ADGRB3: variants seen among roughly 807,000 people sequenced by gnomAD.
ADGRB3 encodes adhesion G protein-coupled receptor B3, also known as brain-specific angiogenesis inhibitor 3.
Under a neutral mutation model 193.4 loss-of-function variants are expected in ADGRB3, and 37 were observed. The ratio of observed to expected loss-of-function variants is 0.19; its 90% CI spans 0.15 to 0.25. ADGRB3 has a LOEUF of 0.25. Among genes scored for constraint, ADGRB3 ranks in the 10% least tolerant of loss-of-function variants. The pLI, the probability that ADGRB3 is intolerant of heterozygous loss-of-function variation, is 1.00. For synonymous variants in ADGRB3, 690 were observed against 644.2 expected (o/e 1.07, Z -1.08); for missense variants, 1,637 against 1,852.9 (o/e 0.88, Z 2.14).
intron 3 of ADGRB3, among the ~76,000 whole-genome samples, chr6:68,702,961 G>T (rs1289482486): frequency 6.6e-6 from 1 of 152,072 alleles, no homozygotes; most frequent in East Asian, 1.9e-4. Flanking sequence ...ATTTAAAATA[G>T]ACCTATGTTT....
intron 3 of ADGRB3, among the ~76,000 whole-genome samples, chr6:68,673,684 T>C (rs1005797695): frequency 6.6e-6 from 1 of 152,182 alleles, no homozygotes; most frequent in Non-Finnish European, 1.5e-5. Flanking sequence ...ATTTCAGAGA[T>C]GATAAAACAA....
At chr6:69,366,652 C>T (rs1286052871) in intron 29 of ADGRB3, among the ~76,000 whole-genome samples, 1 of 152,066 alleles carries the variant, frequency 6.6e-6, no homozygotes, top group African/African-American at 2.4e-5. Flanking sequence ...TTCCTTCCTG[C>T]AAATTGTCTT....
At chr6:68,896,156 G>A (rs1463665540) in intron 3 of ADGRB3, among the ~76,000 whole-genome samples, 2 of 152,094 alleles carry the variant, frequency 1.3e-5, no homozygotes, top group Admixed American at 1.3e-4. Context: ...AGTAGTACTT[G>A]AAAGTTAGAC....
intron 3 of ADGRB3, among the ~76,000 whole-genome samples, chr6:68,876,238 T>G (rs1765590484): frequency 6.6e-6 from 1 of 152,072 alleles, no homozygotes. Context: ...AAATGTGAAC[T>G]GCTGCCTTGT....
At chr6:69,064,193 G>T (rs1771832028) in intron 16 of ADGRB3, among the ~76,000 whole-genome samples, 1 of 151,828 alleles carries the variant, frequency 6.6e-6, no homozygotes, top group Non-Finnish European at 1.5e-5. Flanking sequence ...TTTCTAAGAT[G>T]AGCCAGGCTT....
intron 20 of ADGRB3, among the ~76,000 whole-genome samples, chr6:69,278,699 A>G (rs1035104674): frequency 4.6e-5 from 7 of 152,168 alleles, no homozygotes; most frequent in African/African-American, 7.2e-5. Context: ...GTCCTGGTGA[A>G]GACCATGGGT....
intron 4 of ADGRB3, among the ~76,000 whole-genome samples, chr6:68,936,212 G>T (rs563012741): frequency 6.6e-6 from 1 of 152,220 alleles, no homozygotes; most frequent in South Asian, 2.1e-4. Flanking sequence ...AATTTGAAGA[G>T]AATCACCTCA....
chr6:68,981,614 C>T (rs1768911264), intron 10 of ADGRB3, among the ~76,000 whole-genome samples: 1 of 151,450 alleles, frequency 6.6e-6, no homozygotes, highest in Non-Finnish European at 1.5e-5. Flanking sequence ...TGCCATATGG[C>T]TTATGTTGCA....
At chr6:69,117,343 G>T (rs1307408583) in intron 17 of ADGRB3, among the ~76,000 whole-genome samples, 1 of 152,128 alleles carries the variant, frequency 6.6e-6, no homozygotes, top group Non-Finnish European at 1.5e-5. Flanking sequence ...ACAGTAGGTG[G>T]ATTGAAAAGT....
chr6:69,270,739 C>G (rs1391392517), intron 20 of ADGRB3, among the ~76,000 whole-genome samples: 1 of 152,082 alleles, frequency 6.6e-6, no homozygotes, highest in Admixed American at 6.5e-5. Context: ...TACTCACTAC[C>G]CTGCTGTTCG....
rs183813295 is a variant in ADGRB3, at chr6:68,842,103, G to A, written c.758-88456G>A. On this transcript the variant is annotated intron_variant, in intron 3 of 31. Coordinates refer to ENST00000370598, the MANE Select transcript of ADGRB3 (RefSeq NM_001704.3). Reference sequence around the variant, plus strand: ...ATGATGTAATTATCATACATTCCATGCCTATATCAAAGTATTTCATTTAAC... The same window carrying A: ...ATGATGTAATTATCATACATTCCATACCTATATCAAAGTATTTCATTTAAC... 4.9e-4 allele frequency among the ~76,000 whole-genome samples: 74 copies of A among 151,940 alleles called. 1 individual carries two copies. The highest frequency in any genetic ancestry group is 1.7e-3 in the African/African-American group (70 of 41,494).
At chr6:68,722,664 C>T (rs1351320427) in intron 3 of ADGRB3, among the ~76,000 whole-genome samples, 1 of 150,272 alleles carries the variant, frequency 6.7e-6, no homozygotes, top group Non-Finnish European at 1.5e-5. Context: ...ATCATTTCTT[C>T]AGTACCTTTC....
At chr6:68,772,882 CAAAAAAAA>C (rs763967322) in intron 3 of ADGRB3, among the ~76,000 whole-genome samples, 16 of 23,920 alleles carry the variant, frequency 6.7e-4, no homozygotes, top group South Asian at 3.4e-3. Context: ...AACAAACAAA[CAAAAAAAA>C]AAAAATATAT....
intron 17 of ADGRB3, among the ~76,000 whole-genome samples, chr6:69,108,354 A>G (rs549380083): frequency 6.6e-6 from 1 of 150,474 alleles, no homozygotes; most frequent in Non-Finnish European, 1.5e-5. Flanking sequence ...TTTTAATATT[A>G]GCTCCATTTG....
chr6:68,823,315 T>C (rs539784372), intron 3 of ADGRB3, among the ~76,000 whole-genome samples: 52 of 152,090 alleles, frequency 3.4e-4, no homozygotes, highest in African/African-American at 1.2e-3. Flanking sequence ...AAAAATTGAA[T>C]TTACTTAAAA....
intron 3 of ADGRB3, among the ~76,000 whole-genome samples, chr6:68,909,379 T>A (rs2150236475): frequency 6.6e-6 from 1 of 152,340 alleles, no homozygotes; most frequent in East Asian, 1.9e-4. Context: ...ACAAACATAC[T>A]TAATTTTCAA....
At chr6:68,700,207 A>G (rs1765219158) in intron 3 of ADGRB3, among the ~76,000 whole-genome samples, 1 of 152,160 alleles carries the variant, frequency 6.6e-6, no homozygotes, top group African/African-American at 2.4e-5. Context: ...CTTGAATAGG[A>G]CTTTAATGTG....
chr6:68,742,193 A>G (rs1765995384), intron 3 of ADGRB3, among the ~76,000 whole-genome samples: 1 of 152,186 alleles, frequency 6.6e-6, no homozygotes, highest in African/African-American at 2.4e-5. Context: ...GTCTTATCAC[A>G]AGTCATTGCT....
chr6:69,240,170 G>A (rs915466887), intron 20 of ADGRB3, among the ~76,000 whole-genome samples: 3 of 151,952 alleles, frequency 2.0e-5, no homozygotes, highest in African/African-American at 2.4e-5. Context: ...GCTAACCTAC[G>A]TTCCTAAGAC....
Sources: allele counts gnomAD v4.1 joint callset (sites outside exome capture counted in the v4.1 genomes callset), GRCh38; gene constraint gnomAD v4.1.1; transcripts MANE v1.5; gene names NCBI Gene and HGNC (gene_info 2026-07-23, HGNC 2026-07-21).